The following ZC3H7A variants were observed in gnomAD, a reference collection of about 807,000 sequenced individuals.
ZC3H7A encodes zinc finger CCCH domain-containing protein 7A.
A neutral mutation model predicts 125.5 loss-of-function variants in ZC3H7A; 44 were observed. That is an observed-to-expected ratio of 0.35 (90% CI 0.28 to 0.45). The LOEUF is 0.45. Among genes scored for constraint, ZC3H7A ranks in the 20% least tolerant of loss-of-function variants. ZC3H7A has a pLI of 1.00. For synonymous variants in ZC3H7A, 399 were observed against 391.2 expected (o/e 1.02, Z -0.23); for missense variants, 977 against 1,170.7 (o/e 0.83, Z 2.41).
At position 11,754,511 on chromosome 16, in the gene ZC3H7A, A is replaced by T. The variant is rs1012976893; in HGVS notation, c.2563-1679T>A. 5.3e-5 allele frequency among the ~76,000 whole-genome samples: 8 copies of T among 151,994 alleles called. 1 individual carries two copies. The South Asian group carries it at 1.2e-3, about 24-fold the overall frequency. ...TCTGACTGAATCAACAGAGAGACGG[A>T]GGTGCCAAAAAACAAGAAATAAGGG... On this transcript the variant is annotated intron_variant, in intron 21 of 22. Transcript: ENST00000355758.
chr16:11,786,146 T>C (rs1356642813), intron 1 of ZC3H7A, among the ~76,000 whole-genome samples: 2 of 152,272 alleles, frequency 1.3e-5, no homozygotes, highest in Admixed American at 6.5e-5. Flanking sequence ...ATTTTTAAAG[T>C]TTATGTATCC....
intron 19 of ZC3H7A, among the ~76,000 whole-genome samples, chr16:11,760,141 A>AG (rs2052727310): frequency 6.8e-6 from 1 of 147,122 alleles, no homozygotes; most frequent in African/African-American, 2.7e-5. Flanking sequence ...AAAAAAAAAA[A>AG]AAAAGAAAAA....
intron 1 of ZC3H7A, among the ~76,000 whole-genome samples, chr16:11,789,975 A>G (rs1400292581): frequency 4.0e-5 from 6 of 150,458 alleles, no homozygotes; most frequent in African/African-American, 9.8e-5. Flanking sequence ...CAGCTACTCG[A>G]GACGCTAAGG....
intron 21 of ZC3H7A, among the ~76,000 whole-genome samples, chr16:11,754,576 C>G (rs2052607168): frequency 1.3e-5 from 2 of 151,856 alleles, no homozygotes; most frequent in Non-Finnish European, 2.9e-5. Context: ...AAAACCACAT[C>G]AAGTGGAACT....
chr16:11,759,792 A>G (rs2052711089), intron 19 of ZC3H7A: 1 of 152,138 alleles, frequency 6.6e-6, no homozygotes, highest in Admixed American at 6.5e-5. Flanking sequence ...ACACATACAC[A>G]CATACAGTAT....
chr16:11,772,189 T>C lies in ZC3H7A; in HGVS notation c.904-1202A>G, dbSNP rs879898376. Among the ~76,000 whole-genome samples the C allele has an allele frequency of 3.7e-3, 510 of 136,376 alleles. 1 individual carries two copies. Among genetic ancestry groups the C allele is most frequent in the African/African-American group, 0.016 (487 of 29,822 alleles). 89.5% of individuals were successfully genotyped at this position (136,376 alleles called of 152,430 possible). A position where few individuals can be genotyped will look rare whatever the true frequency, so the allele number is the denominator to read the frequency against. ...CAGCCTGGGCGACAGAGTGAGACTC[T>C]GTCTCAAAAAAAAAAAAAGAATTTG... On this transcript the variant is annotated intron_variant, in intron 9 of 22. Transcript: ENST00000355758.
intron 21 of ZC3H7A, among the ~76,000 whole-genome samples, chr16:11,755,069 C>T (rs1475461219): frequency 4.6e-5 from 7 of 150,814 alleles, no homozygotes; most frequent in African/African-American, 1.2e-4. Context: ...ATTAGCCGGG[C>T]GTGGTGGCAG....
At chr16:11,776,642 T>A (rs1238776019) in intron 5 of ZC3H7A, 109 bp downstream of exon 5, 1 of 1,492,608 alleles carries the variant, frequency 6.7e-7, no homozygotes, top group Non-Finnish European at 9.0e-7. Context: ...TTAGCATTTA[T>A]ACCCAACTGA....
chr16:11,790,079 C>CAAAAAAAAAAAAAAAAAAAAA (rs150579733), intron 1 of ZC3H7A, among the ~76,000 whole-genome samples: 5 of 73,552 alleles, frequency 6.8e-5, no homozygotes, highest in Admixed American at 1.6e-4. Context: ...GACTCCATCT[C>CAAAAAAAAAAAAAAAAAAAAA]AAAAAAAAAA....
In ZC3H7A at chr16:11,770,897, C is replaced by T; in HGVS notation, c.994G>A (p.Gly332Ser). ...SASLLGTLPI[G>S]ARYAPPPSFS... ...GAGGGTGGAGGAGCATACCTCGCAC[C>T]AATGGGTAAGGTTCCTAACAGCGAT... is the stretch of plus-strand genomic sequence containing the variant. The change falls in exon 10 of 23, where the codon GGT becomes AGT. Residue 332 changes from glycine to serine, a missense_variant. Around this residue, in one of 3 missense-constraint regions of ZC3H7A, gnomAD observed 342 missense variants for 311.3 expected, o/e 1.10. Coordinates refer to ENST00000355758, the MANE Select transcript of ZC3H7A (RefSeq NM_014153.4). The T allele has an allele frequency of 6.2e-7, 1 of 1,614,080 alleles. No homozygotes were observed. The highest frequency in any genetic ancestry group is 8.5e-7 in the Non-Finnish European group (1 of 1,180,014).
At chr16:11,786,565 T>C (rs2053259951) in intron 1 of ZC3H7A, among the ~76,000 whole-genome samples, 1 of 152,164 alleles carries the variant, frequency 6.6e-6, no homozygotes, top group Non-Finnish European at 1.5e-5. Flanking sequence ...GGCAAAGAGC[T>C]GACACCACAA....
chr16:11,768,593 G>C lies in ZC3H7A; in HGVS notation c.1174-92C>G, dbSNP rs2052910834. ...GGAACTGAATTCATCTGAAAAATAA[G>C]ATAATCTTCATAAACTGAGGTCAGT... is the stretch of plus-strand genomic sequence containing the variant. On this transcript the variant is annotated intron_variant, in intron 11 of 22. Coordinates refer to ENST00000355758, the MANE Select transcript of ZC3H7A (RefSeq NM_014153.4). 3 of 1,172,502 alleles carry C rather than the reference G, an allele frequency of 2.6e-6. No homozygotes were observed. The Admixed American group carries it at 8.6e-5, about 34-fold the overall frequency. The allele number at this position is 1,172,502 out of a possible 1,614,324, so 72.6% of individuals were successfully genotyped here. A position where few individuals can be genotyped will look rare whatever the true frequency, so the allele number is the denominator to read the frequency against.
chr16:11,761,880 A>G, intron 18 of ZC3H7A, 30 bp downstream of exon 18: 1 of 1,604,320 alleles, frequency 6.2e-7, no homozygotes, highest in Non-Finnish European at 8.5e-7. Context: ...AAATTACAAA[A>G]TAGGAATTGT....
intron 4 of ZC3H7A, among the ~76,000 whole-genome samples, chr16:11,777,885 G>A (rs1487059224): frequency 6.6e-6 from 1 of 151,902 alleles, no homozygotes; most frequent in East Asian, 1.9e-4. Context: ...CAGGTGTGGT[G>A]GTACATGCCT....
intron 1 of ZC3H7A, among the ~76,000 whole-genome samples, chr16:11,795,619 A>G (rs1466896571): frequency 2.0e-5 from 3 of 151,752 alleles, no homozygotes; most frequent in South Asian, 4.2e-4. Context: ...TATTTTTACT[A>G]GAGACGGGGT....
At position 11,765,283 on chromosome 16, in the gene ZC3H7A, C is replaced by T. The variant is rs1003951589; in HGVS notation, c.1720-130G>A. On this transcript the variant is annotated intron_variant, in intron 14 of 22. Coordinates refer to ENST00000355758, the MANE Select transcript of ZC3H7A (RefSeq NM_014153.4). The surrounding 1 kb of genome is among the most constrained non-coding windows in gnomAD (Gnocchi z 4.8). The stretch of plus-strand genomic sequence containing the variant: ...GAAGTTTTAATATTCTTTTTGGTAA[C>T]AGTAATAGCCAACATTTACTGAATG... 1.5e-6 allele frequency: 1 copy of T among 685,476 alleles called. No individual in the cohort carries two copies. Among genetic ancestry groups the T allele is most frequent in the East Asian group, 3.1e-5 (1 of 31,786 alleles). The allele number at this position is 685,476 out of a possible 1,614,324, so 42.5% of individuals were successfully genotyped here. A position where few individuals can be genotyped will look rare whatever the true frequency, so the allele number is the denominator to read the frequency against.
At chr16:11,754,307 A>AC (rs2052600215) in intron 21 of ZC3H7A, among the ~76,000 whole-genome samples, 2 of 86,724 alleles carry the variant, frequency 2.3e-5, no homozygotes, top group South Asian at 1.0e-3. Context: ...AAAAAAAAAA[A>AC]AGGAAGAAAA....
chr16:11,785,551 A>C (rs1347143503), intron 1 of ZC3H7A, among the ~76,000 whole-genome samples: 1 of 152,108 alleles, frequency 6.6e-6, no homozygotes, highest in Non-Finnish European at 1.5e-5. Context: ...TCTATCAAAA[A>C]GGAAATGCCT....
chr16:11,793,130 C>G (rs1446051818), intron 1 of ZC3H7A, among the ~76,000 whole-genome samples: 1 of 152,170 alleles, frequency 6.6e-6, no homozygotes, highest in Non-Finnish European at 1.5e-5. Context: ...AACAGCCTTA[C>G]TTACAAGATG....
Sources: allele counts gnomAD v4.1 joint callset (sites outside exome capture counted in the v4.1 genomes callset), GRCh38; gene constraint gnomAD v4.1.1; regional missense constraint gnomAD v4.1.1; non-coding constraint Gnocchi (gnomAD v3.1); transcripts MANE v1.5; gene names NCBI Gene and HGNC (gene_info 2026-07-23, HGNC 2026-07-21).